The following FAR2 variants were observed in gnomAD, a reference collection of about 807,000 sequenced individuals.
FAR2 encodes the protein epididymis secretory protein Li 81.
In FAR2, 19 loss-of-function variants were observed where a neutral mutation model predicts 56.0. The ratio of observed to expected loss-of-function variants is 0.34; its 90% CI spans 0.24 to 0.50. The LOEUF (loss-of-function observed/expected upper bound fraction) is 0.50. FAR2 is among the 20% of genes least tolerant of loss of function. The probability of loss-of-function intolerance (pLI) is 0.98; values close to 1 mark genes in which losing one functional copy is unlikely to be tolerated. For missense variants in FAR2, 508 were observed against 642.2 expected (o/e 0.79, Z 2.26); for synonymous variants, 219 against 218.8 (o/e 1.00, Z -0.01).
intron 9 of FAR2, among the ~76,000 whole-genome samples, chr12:29,318,274 G>A (rs1949489144): frequency 6.6e-6 from 1 of 152,182 alleles, no homozygotes; most frequent in African/African-American, 2.4e-5. Context: ...CTTGAGCAAG[G>A]TGAAAAGGAA....
intron 1 of FAR2, among the ~76,000 whole-genome samples, chr12:29,215,414 T>C (rs1486075974): frequency 6.6e-6 from 1 of 152,216 alleles, no homozygotes; most frequent in Non-Finnish European, 1.5e-5. Context: ...ATGTTATGTT[T>C]GGTCTGTTGT....
chr12:29,173,521 G>T, intron 1 of FAR2, among the ~76,000 whole-genome samples: 1 of 152,142 alleles, frequency 6.6e-6, no homozygotes, highest in South Asian at 2.1e-4. Context: ...AGATCAAGCT[G>T]CAGGATAGTA....
At chr12:29,153,430 G>A (rs1380320575) in intron 1 of FAR2, among the ~76,000 whole-genome samples, 2 of 152,218 alleles carry the variant, frequency 1.3e-5, no homozygotes, top group African/African-American at 2.4e-5. Flanking sequence ...GCATTCAGGG[G>A]ACAGAGAGAA....
intron 1 of FAR2, among the ~76,000 whole-genome samples, chr12:29,194,039 T>C (rs1250458996): frequency 2.0e-5 from 3 of 152,208 alleles, no homozygotes; most frequent in Admixed American, 6.5e-5. Context: ...TAATACAAAA[T>C]CTTGGCATGT....
chr12:29,303,586 C>T (rs1565514560), intron 4 of FAR2, among the ~76,000 whole-genome samples: 1 of 152,124 alleles, frequency 6.6e-6, no homozygotes, highest in Non-Finnish European at 1.5e-5. Context: ...GAATGGAGGC[C>T]CCCACAGCCA....
At chr12:29,317,725 A>T (rs1025647605) in intron 9 of FAR2, 3 of 152,622 alleles carry the variant, frequency 2.0e-5, no homozygotes, top group Non-Finnish European at 4.4e-5. Flanking sequence ...TTACTGTGGC[A>T]CTCGTGGGGC....
chr12:29,181,586 C>A (rs1949992516), intron 1 of FAR2, among the ~76,000 whole-genome samples: 1 of 152,192 alleles, frequency 6.6e-6, no homozygotes, highest in Admixed American at 6.5e-5. Context: ...AAAGAACCTG[C>A]CTCCCACCAG....
intron 2 of FAR2, among the ~76,000 whole-genome samples, chr12:29,287,541 A>G (rs1948898153): frequency 6.6e-6 from 1 of 152,198 alleles, no homozygotes; most frequent in African/African-American, 2.4e-5. Context: ...AAAAAATTAC[A>G]GTGTCTCTTT....
intron 1 of FAR2, among the ~76,000 whole-genome samples, chr12:29,166,093 C>T (rs1331664982): frequency 6.6e-6 from 1 of 152,208 alleles, no homozygotes; most frequent in African/African-American, 2.4e-5. Context: ...AACATCTACA[C>T]TATTTATCTC....
chr12:29,228,984 A>C (rs151126567), intron 1 of FAR2, among the ~76,000 whole-genome samples: 1 of 152,250 alleles, frequency 6.6e-6, no homozygotes, highest in East Asian at 1.9e-4. Context: ...AAACCCAGCA[A>C]TGTTCTTCCT....
At chr12:29,322,421 C>T (rs1253950599) in intron 10 of FAR2, among the ~76,000 whole-genome samples, 2 of 152,214 alleles carry the variant, frequency 1.3e-5, no homozygotes, top group African/African-American at 2.4e-5. Flanking sequence ...CACTCTGCCT[C>T]ACCTCAGACC....
chr12:29,234,684 CT>C (rs958253984), intron 1 of FAR2, among the ~76,000 whole-genome samples: 15 of 152,220 alleles, frequency 9.9e-5, no homozygotes, highest in African/African-American at 3.6e-4. Flanking sequence ...AAACTTATCC[CT>C]TTATGGTATA....
intron 1 of FAR2, among the ~76,000 whole-genome samples, chr12:29,162,398 G>T: frequency 6.6e-6 from 1 of 152,152 alleles, no homozygotes; most frequent in East Asian, 1.9e-4. Context: ...CACATTTAAG[G>T]ATCAAGTCAT....
chr12:29,150,138 G>C (rs1269995648), intron 1 of FAR2, among the ~76,000 whole-genome samples: 1 of 152,160 alleles, frequency 6.6e-6, no homozygotes, highest in African/African-American at 2.4e-5. Flanking sequence ...AACTGGAGTA[G>C]ATGGCTTGCA....
chr12:29,333,216 CT>C, intron 11 of FAR2: 1 of 286,160 alleles, frequency 3.5e-6, no homozygotes, highest in Non-Finnish European at 6.8e-6. Flanking sequence ...AGCAGAGGAT[CT>C]GTAGTGCAGA....
chr12:29,185,036 G>A (rs1424224172), intron 1 of FAR2, among the ~76,000 whole-genome samples: 1 of 151,794 alleles, frequency 6.6e-6, no homozygotes, highest in African/African-American at 2.4e-5. Flanking sequence ...TGTTTCATAG[G>A]GTTCTTTCAA....
chr12:29,274,975 G>A (rs1451009566), intron 2 of FAR2, among the ~76,000 whole-genome samples: 1 of 6,850 alleles, frequency 1.5e-4, no homozygotes, highest in East Asian at 5.9e-3. Flanking sequence ...CCGTGACTCG[G>A]ATCGGGGGAC....
intron 1 of FAR2, among the ~76,000 whole-genome samples, chr12:29,254,297 AAAAG>A (rs778158011): frequency 1.1e-4 from 16 of 152,094 alleles, no homozygotes; most frequent in Admixed American, 7.2e-4. Flanking sequence ...TTAAAGCAAA[AAAAG>A]AAAGAAATCT....
chr12:29,153,246 A>G (rs532346533), intron 1 of FAR2, among the ~76,000 whole-genome samples: 14 of 152,216 alleles, frequency 9.2e-5, no homozygotes, highest in Non-Finnish European at 1.6e-4. Context: ...AATCAGGGGC[A>G]CTGACTCCGT....
Sources: allele counts gnomAD v4.1 joint callset (sites outside exome capture counted in the v4.1 genomes callset), GRCh38; gene constraint gnomAD v4.1.1; transcripts MANE v1.5; gene names NCBI Gene and HGNC (gene_info 2026-07-23, HGNC 2026-07-21).